The following THRB variants were observed in gnomAD, a reference collection of about 807,000 sequenced individuals.
The protein encoded by THRB is nuclear receptor subfamily 1 group A member 2.
Under a neutral mutation model 47.8 loss-of-function variants are expected in THRB, and 12 were observed. That is an observed-to-expected ratio of 0.25 (90% CI 0.16 to 0.41). THRB has a LOEUF of 0.41. Among genes scored for constraint, THRB ranks in the 10% least tolerant of loss-of-function variants. The pLI, the probability that THRB is intolerant of heterozygous loss-of-function variation, is 1.00. For synonymous variants in THRB, 218 were observed against 212.2 expected, an observed-to-expected ratio of 1.03 and a Z score of -0.24; for missense variants, 348 against 589.2, an observed-to-expected ratio of 0.59 and a Z score of 4.24.
At chr3:24,317,587 G>T (rs1211091058) in intron 2 of THRB, among the ~76,000 whole-genome samples, 1 of 152,080 alleles carries the variant, frequency 6.6e-6, no homozygotes, top group African/African-American at 2.4e-5. Context: ...CATTGCACTG[G>T]CTAGGGTGTT....
chr3:24,238,136 A>C (rs1368750404), intron 3 of THRB: 1 of 152,084 alleles, frequency 6.6e-6, no homozygotes, highest in African/African-American at 2.4e-5. Flanking sequence ...GTTTGAGGAA[A>C]CGTCTGACAG....
intron 1 of THRB, among the ~76,000 whole-genome samples, chr3:24,487,114 G>T (rs1220909478): frequency 6.6e-6 from 1 of 152,070 alleles, no homozygotes; most frequent in Non-Finnish European, 1.5e-5. Context: ...TCAACAACAG[G>T]CAGCATTAGC....
intron 2 of THRB, among the ~76,000 whole-genome samples, chr3:24,336,722 CTT>C (rs1553717322): frequency 1.7e-4 from 23 of 135,864 alleles, no homozygotes; most frequent in Admixed American, 3.0e-4. Context: ...AATTCTCATG[CTT>C]TTTTTTTTTT....
rs760778175 is a variant in THRB, at chr3:24,190,282, G to A, written c.75C>T (p.His25=). ...CAGACATTCCTACTAGCTTCCAGTC[G>A]TGTTCTCGGTCTGGACAGTGCTTCG... The part of the protein sequence containing the change: ...DKPKHCPDRE[H]DWKLVGMSEA... The change falls in exon 5 of 11, where the codon CAC becomes CAT. Residue 25 remains histidine, a synonymous_variant. Transcript: ENST00000646209. 26 of 1,613,908 alleles carry A rather than the reference G, an allele frequency of 1.6e-5. No homozygotes were observed. The highest frequency in any genetic ancestry group is 1.6e-4 in the East Asian group (7 of 44,900).
At chr3:24,447,006 C>T (rs2072155749) in intron 1 of THRB, among the ~76,000 whole-genome samples, 1 of 152,134 alleles carries the variant, frequency 6.6e-6, no homozygotes, top group Non-Finnish European at 1.5e-5. Flanking sequence ...AGTCTCCCAT[C>T]ATTACCGGGG....
At chr3:24,177,928 G>C (rs1351546153) in intron 5 of THRB, among the ~76,000 whole-genome samples, 3 of 152,128 alleles carry the variant, frequency 2.0e-5, no homozygotes. Context: ...TAAAGTGGCT[G>C]TGTCTTTTTT....
intron 1 of THRB, among the ~76,000 whole-genome samples, chr3:24,452,048 G>A (rs1179925186): frequency 2.6e-5 from 4 of 152,190 alleles, no homozygotes; most frequent in African/African-American, 9.6e-5. Flanking sequence ...ATTGCCCGAG[G>A]CTGAGGACTA....
chr3:24,182,937 A>C (rs1044093461), intron 5 of THRB, among the ~76,000 whole-genome samples: 2 of 152,124 alleles, frequency 1.3e-5, no homozygotes, highest in Non-Finnish European at 2.9e-5. Context: ...TTACCCTTTA[A>C]AGTCATAGGG....
At chr3:24,208,422 G>A (rs1262262908) in intron 4 of THRB, among the ~76,000 whole-genome samples, 1 of 152,172 alleles carries the variant, frequency 6.6e-6, no homozygotes, top group Non-Finnish European at 1.5e-5. Context: ...CAAAGCTGGA[G>A]GCATCACGCT....
intron 1 of THRB, among the ~76,000 whole-genome samples, chr3:24,479,020 C>T (rs185420157): frequency 2.6e-5 from 4 of 152,222 alleles, no homozygotes; most frequent in East Asian, 1.9e-4. Flanking sequence ...ATAATGCGGC[C>T]GGGCGCGGGG....
intron 1 of THRB, among the ~76,000 whole-genome samples, chr3:24,418,217 G>T (rs1476146550): frequency 6.7e-6 from 1 of 149,796 alleles, no homozygotes; most frequent in Non-Finnish European, 1.5e-5. Context: ...ACATTCATGT[G>T]CACATTCACA....
intron 3 of THRB, among the ~76,000 whole-genome samples, chr3:24,277,947 A>G (rs1576487186): frequency 6.6e-6 from 1 of 152,060 alleles, no homozygotes; most frequent in East Asian, 1.9e-4. Flanking sequence ...CCTGCCAATA[A>G]TTATGGTATG....
chr3:24,363,176 G>T (rs1029921374), intron 1 of THRB, among the ~76,000 whole-genome samples: 1 of 151,990 alleles, frequency 6.6e-6, no homozygotes. Flanking sequence ...TTTCCTTGGG[G>T]GTAAATAAGT....
At chr3:24,192,498 T>A in intron 4 of THRB, among the ~76,000 whole-genome samples, 1 of 152,194 alleles carries the variant, frequency 6.6e-6, no homozygotes, top group Non-Finnish European at 1.5e-5. Flanking sequence ...ATGTGATTTT[T>A]CTGCAGAAAA....
chr3:24,179,173 C>T (rs1029512096), intron 5 of THRB, among the ~76,000 whole-genome samples: 1 of 152,194 alleles, frequency 6.6e-6, no homozygotes, highest in African/African-American at 2.4e-5. Flanking sequence ...AGTCCTCTCT[C>T]CAGCTCTGGT....
At chr3:24,399,660 T>A (rs2067246440) in intron 1 of THRB, among the ~76,000 whole-genome samples, 1 of 151,982 alleles carries the variant, frequency 6.6e-6, no homozygotes, top group East Asian at 1.9e-4. Flanking sequence ...CTTGGAAAAA[T>A]TTACATATTT....
At chr3:24,333,585 C>A (rs960933114) in intron 2 of THRB, among the ~76,000 whole-genome samples, 2 of 152,200 alleles carry the variant, frequency 1.3e-5, no homozygotes, top group Non-Finnish European at 2.9e-5. Flanking sequence ...GGAGAAAAAT[C>A]TCTTGCTAAA....
chr3:24,398,371 A>C (rs1204913816), intron 1 of THRB, among the ~76,000 whole-genome samples: 1 of 152,230 alleles, frequency 6.6e-6, no homozygotes, highest in African/African-American at 2.4e-5. Flanking sequence ...CAAAGAACTC[A>C]AACAAATTTA....
intron 4 of THRB, among the ~76,000 whole-genome samples, chr3:24,226,123 C>T (rs1258563071): frequency 1.3e-5 from 2 of 152,102 alleles, no homozygotes; most frequent in African/African-American, 4.8e-5. Context: ...AAAATAGATT[C>T]CATATTAACT....
Sources: allele counts gnomAD v4.1 joint callset (sites outside exome capture counted in the v4.1 genomes callset), GRCh38; gene constraint gnomAD v4.1.1; transcripts MANE v1.5; gene names NCBI Gene and HGNC (gene_info 2026-07-23, HGNC 2026-07-21).